The following PAG1 variants were observed in gnomAD, a reference collection of about 807,000 sequenced individuals.
PAG1 encodes the protein phosphoprotein associated with glycosphingolipid-enriched microdomains 1.
In PAG1, 23 loss-of-function variants were observed where a neutral mutation model predicts 31.7. The ratio of observed to expected loss-of-function variants is 0.73; its 90% CI spans 0.52 to 1.03. The LOEUF is 1.03. PAG1 is among the 50% of genes least tolerant of loss of function. The pLI is 0.00. For synonymous variants in PAG1, 214 were observed against 210.3 expected, an observed-to-expected ratio of 1.02 and a Z score of -0.15; for missense variants, 473 against 540.7, an observed-to-expected ratio of 0.87 and a Z score of 1.24.
chr8:81,096,124 T>A (rs1353206959), intron 1 of PAG1, among the ~76,000 whole-genome samples: 1 of 152,212 alleles, frequency 6.6e-6, no homozygotes, highest in Non-Finnish European at 1.5e-5. Context: ...TAAATTTTCC[T>A]ACTTACTAAT....
At chr8:81,016,138 A>T (rs778702895) in intron 3 of PAG1, among the ~76,000 whole-genome samples, 3 of 152,224 alleles carry the variant, frequency 2.0e-5, no homozygotes, top group Non-Finnish European at 4.4e-5. Context: ...CATGAGCCCA[A>T]CTGAGACCAG....
rs900745759 is a variant in PAG1, at chr8:80,985,043, C to T, written c.609G>A (p.Lys203=). 43 of 1,614,156 alleles carry T rather than the reference C, an allele frequency of 2.7e-5. No individual in the cohort carries two copies. Among genetic ancestry groups the T allele is most frequent in the Non-Finnish European group, 3.5e-5 (41 of 1,180,032 alleles). The change falls in exon 7 of 9, where the codon AAG becomes AAA. Residue 203 remains lysine (K), a synonymous_variant. Transcript: ENST00000220597. ...AAHLEKGHSG[K]AKSTSASKEL... ...CTTTCGAGGCAGAAGTAGATTTTGCCTTGCCACTGTGGCCTTTCTCCAGGT... is the reference window on the plus strand; with the variant it reads ...CTTTCGAGGCAGAAGTAGATTTTGCTTTGCCACTGTGGCCTTTCTCCAGGT...
intron 3 of PAG1, among the ~76,000 whole-genome samples, chr8:81,010,339 G>A (rs944410105): frequency 5.3e-5 from 8 of 152,042 alleles, no homozygotes; most frequent in African/African-American, 1.7e-4. Context: ...TAGAAGATAG[G>A]GATTTTGAGC....
At chr8:80,982,467 T>A (rs1807327640) in intron 7 of PAG1, among the ~76,000 whole-genome samples, 4 of 152,154 alleles carry the variant, frequency 2.6e-5, no homozygotes. Context: ...CTTTTCCAGA[T>A]CTCTATTCTT....
chr8:80,994,165 G>GCC (rs1563621595), intron 3 of PAG1, among the ~76,000 whole-genome samples: 1 of 152,058 alleles, frequency 6.6e-6, no homozygotes, highest in African/African-American at 2.4e-5. Context: ...CTCACCCACT[G>GCC]TTGTCTGAGA....
At chr8:81,011,523 A>G (rs1237848702) in intron 3 of PAG1, among the ~76,000 whole-genome samples, 1 of 152,080 alleles carries the variant, frequency 6.6e-6, no homozygotes, top group Non-Finnish European at 1.5e-5. Context: ...GACCAGTCTC[A>G]GGTATGTCTT....
At chr8:81,015,604 G>C (rs73694014) in intron 3 of PAG1, among the ~76,000 whole-genome samples, 4,393 of 152,226 alleles carry the variant, frequency 0.029, 205 homozygotes, top group African/African-American at 0.1. Flanking sequence ...CTTAAAATCT[G>C]ATTTCTAATT....
intron 3 of PAG1, among the ~76,000 whole-genome samples, chr8:81,006,409 T>C (rs1298652879): frequency 6.6e-6 from 1 of 152,224 alleles, no homozygotes; most frequent in Admixed American, 6.5e-5. Flanking sequence ...TGCCACCTCT[T>C]CCTGGTCCCT....
intron 7 of PAG1, among the ~76,000 whole-genome samples, chr8:80,982,875 T>G (rs544670263): frequency 6.6e-6 from 1 of 152,308 alleles, no homozygotes; most frequent in South Asian, 2.1e-4. Flanking sequence ...CTCTGCTGCC[T>G]CTTCCCTGAT....
At chr8:81,030,771 C>G (rs748542955) in intron 2 of PAG1, among the ~76,000 whole-genome samples, 3 of 152,344 alleles carry the variant, frequency 2.0e-5, no homozygotes, top group Middle Eastern at 6.8e-3. Flanking sequence ...CCTCCTGCCC[C>G]CTTCCTCTCT....
intron 3 of PAG1, among the ~76,000 whole-genome samples, chr8:81,007,040 T>A (rs1171591016): frequency 6.6e-6 from 1 of 152,210 alleles, no homozygotes; most frequent in African/African-American, 2.4e-5. Context: ...AGTATGGCTC[T>A]GACAGCCCTG....
intron 1 of PAG1, among the ~76,000 whole-genome samples, chr8:81,085,353 C>A (rs1809333704): frequency 6.6e-6 from 1 of 152,076 alleles, no homozygotes; most frequent in Non-Finnish European, 1.5e-5. Context: ...GACTCACAGC[C>A]AATCCAGCAA....
chr8:81,005,487 C>G (rs1807858936), intron 3 of PAG1, among the ~76,000 whole-genome samples: 1 of 152,150 alleles, frequency 6.6e-6, no homozygotes, highest in Admixed American at 6.5e-5. Flanking sequence ...TGATCAGAAT[C>G]AGTCATGCTC....
intron 1 of PAG1, among the ~76,000 whole-genome samples, chr8:81,100,678 T>C (rs1809595316): frequency 6.6e-6 from 1 of 152,250 alleles, no homozygotes; most frequent in Non-Finnish European, 1.5e-5. Context: ...CTATGGCTTC[T>C]GAAGCTAATG....
chr8:81,035,120 G>A (rs1178901392), intron 2 of PAG1, among the ~76,000 whole-genome samples: 1 of 152,152 alleles, frequency 6.6e-6, no homozygotes, highest in African/African-American at 2.4e-5. Flanking sequence ...AAATAGGTTG[G>A]TGAAGTCAGG....
chr8:81,023,611 AAG>A (rs755542088), intron 3 of PAG1, among the ~76,000 whole-genome samples: 16 of 151,782 alleles, frequency 1.1e-4, no homozygotes, highest in East Asian at 3.9e-4. Context: ...GAGAGAGAGA[AAG>A]AGAGAGAAAA....
intron 3 of PAG1, among the ~76,000 whole-genome samples, chr8:81,007,121 G>A (rs139419343): frequency 2.0e-5 from 3 of 152,264 alleles, no homozygotes; most frequent in African/African-American, 7.2e-5. Context: ...ATTCAACAGA[G>A]AGGCAGAGAG....
intron 1 of PAG1, among the ~76,000 whole-genome samples, chr8:81,074,451 G>A (rs527672103): frequency 1.2e-4 from 19 of 152,328 alleles, no homozygotes; most frequent in East Asian, 7.7e-4. Context: ...AGGAAAATTA[G>A]CAGGATCACT....
chr8:81,073,908 G>C (rs533707619), intron 1 of PAG1, among the ~76,000 whole-genome samples: 3 of 152,138 alleles, frequency 2.0e-5, no homozygotes, highest in East Asian at 1.9e-4. Context: ...ACCTGAAGGT[G>C]GGGGGGAGGC....
Sources: allele counts gnomAD v4.1 joint callset (sites outside exome capture counted in the v4.1 genomes callset), GRCh38; gene constraint gnomAD v4.1.1; transcripts MANE v1.5; gene names NCBI Gene and HGNC (gene_info 2026-07-23, HGNC 2026-07-21).